The following HMSD variants were observed in gnomAD, a reference collection of about 807,000 sequenced individuals.
HMSD encodes histocompatibility minor serpin domain containing.
A neutral mutation model predicts 10.0 loss-of-function variants in HMSD; 13 were observed. The ratio of observed to expected loss-of-function variants is 1.31; its 90% CI spans 0.85 to 2.08. The LOEUF is 2.08. HMSD is among the 30% of genes most tolerant of loss of function. The pLI is 0.00. For missense variants in HMSD, 169 were observed against 166.3 expected (o/e 1.02, Z -0.09); for synonymous variants, 51 against 54.2 (o/e 0.94, Z 0.26).
At chr18:63,966,216 G>T (rs775237197), downstream of HMSD, among the ~76,000 whole-genome samples, 1 of 152,188 alleles carries the variant, frequency 6.6e-6, no homozygotes, top group Non-Finnish European at 1.5e-5. Context: ...GTTTTGGATT[G>T]TCCAGACATC....
chr18:63,963,307 C>A (rs578237244), downstream of HMSD, among the ~76,000 whole-genome samples: 1 of 151,490 alleles, frequency 6.6e-6, no homozygotes, highest in Admixed American at 6.6e-5. Context: ...CGCTCTGTCA[C>A]CCAGGCTGGA....
chr18:63,955,635 A>AG lies in HMSD; in HGVS notation c.222+1081dup, dbSNP rs577428424. Among the ~76,000 whole-genome samples the AG allele has an allele frequency of 3.2e-4, 49 of 152,246 alleles. No homozygotes were observed. The South Asian group carries it at 3.3e-3, about 10-fold the overall frequency. On this transcript the variant is annotated intron_variant, in intron 3 of 3. Coordinates refer to ENST00000408945, the MANE Select transcript of HMSD (RefSeq NM_001123366.2). ...AATGTTAACCTTTAAAACTTTTGGA[A>AG]GGGTGGGGCCAAGATGGCCGACTAA...
At chr18:63,963,174 C>G (rs1306315593), downstream of HMSD, among the ~76,000 whole-genome samples, 1 of 143,212 alleles carries the variant, frequency 7.0e-6, no homozygotes, top group Non-Finnish European at 1.5e-5. Flanking sequence ...CTCTCTCTCT[C>G]CCTTCCTTCC....
At chr18:63,958,152 C>T (rs760795620) in intron 3 of HMSD, among the ~76,000 whole-genome samples, 3 of 152,080 alleles carry the variant, frequency 2.0e-5, no homozygotes, top group East Asian at 1.9e-4. Context: ...TAGTGTACAT[C>T]GATCAGTTAC....
At chr18:63,953,641 C>A in intron 2 of HMSD, 114 bp downstream of exon 2, 1 of 832,254 alleles carries the variant, frequency 1.2e-6, no homozygotes, top group South Asian at 1.5e-5. Flanking sequence ...CTCTGGTAGT[C>A]TCACAGGATG....
Position 63,954,451 on chromosome 18 carries a change from A to G in HMSD, c.116A>G (p.His39Arg). 1.9e-6 allele frequency: 3 copies of G among 1,611,402 alleles called. No homozygotes were observed. The highest frequency in any genetic ancestry group is 2.7e-5 in the African/African-American group (2 of 73,268). The change falls in exon 3 of 4, where the codon CAT becomes CGT. Residue 39 changes from histidine (H) to arginine (R), a missense_variant. By Grantham distance (29) the His-to-Arg change is conservative (BLOSUM62 0). Transcript: ENST00000408945. The stretch of plus-strand genomic sequence containing the variant: ...ATCGGAGGTGAAGATGGAGATATTC[A>G]TCGAGGTTTTCAGTCACTTCTTGTT... ...SKIGGEDGDI[H>R]RGFQSLLVAI...
At chr18:63,953,667 C>T (rs1020666565) in intron 2 of HMSD, 140 bp downstream of exon 2, 1 of 719,180 alleles carries the variant, frequency 1.4e-6, no homozygotes, top group Non-Finnish European at 2.4e-6. Context: ...GGAGAATTGG[C>T]AGGATGGAGC....
chr18:63,962,263 A>G (rs928233687), downstream of HMSD, among the ~76,000 whole-genome samples: 1 of 152,220 alleles, frequency 6.6e-6, no homozygotes, highest in African/African-American at 2.4e-5. Flanking sequence ...ATGTCTGGTA[A>G]TGCCAAACAC....
downstream of HMSD, among the ~76,000 whole-genome samples, chr18:63,962,057 A>C (rs189438117): frequency 8.1e-4 from 123 of 152,354 alleles, no homozygotes; most frequent in Admixed American, 2.2e-3. Context: ...AGTGAGTTCC[A>C]TTTAGAATTG....
At chr18:63,960,016 A>T in intron 3 of HMSD, 142 bp from the exon 4 acceptor site, 1 of 857,520 alleles carries the variant, frequency 1.2e-6, no homozygotes. Flanking sequence ...TTTGGACTTT[A>T]GGTTAATTCC....
At chr18:63,953,590 T>A in intron 2 of HMSD, 63 bp downstream of exon 2, 1 of 1,336,206 alleles carries the variant, frequency 7.5e-7, no homozygotes. Flanking sequence ...GCTGGACTTC[T>A]GCATTTCAAG....
At chr18:63,966,177 A>G (rs575827737), downstream of HMSD, among the ~76,000 whole-genome samples, 17 of 152,334 alleles carry the variant, frequency 1.1e-4, no homozygotes, top group East Asian at 3.1e-3. Context: ...CGTGGAGACA[A>G]AAATCCACAC....
chr18:63,960,231 A>G lies in HMSD; in HGVS notation c.296A>G (p.Lys99Arg). Residue 99 changes from lysine (K) to arginine (R), a missense_variant, in exon 4 of 4, where the codon AAG (lysine) becomes AGG (arginine). By Grantham distance (26) the Lys-to-Arg change is conservative (BLOSUM62 2). Coordinates refer to ENST00000408945, the MANE Select transcript of HMSD (RefSeq NM_001123366.2). ...CTAGACTTTGTGAATGATACAGAGA[A>G]GTCCACAACACGTGTAAACTCCTGG... ...KQLDFVNDTE[K>R]STTRVNSWVA... 3.7e-6 allele frequency: 6 copies of G among 1,613,516 alleles called. No homozygotes were observed. Among genetic ancestry groups the G allele is most frequent in the Non-Finnish European group, 4.2e-6 (5 of 1,179,812 alleles).
intron 1 of HMSD, among the ~76,000 whole-genome samples, chr18:63,951,558 G>T (rs1306583849): frequency 2.6e-5 from 4 of 152,204 alleles, no homozygotes; most frequent in African/African-American, 9.7e-5. Context: ...TATTTGGTGG[G>T]AGGGGAATTT....
Position 63,953,472 on chromosome 18 carries a change from C to A in HMSD, c.17C>A (p.Ala6Asp). The A allele has an allele frequency of 6.2e-7, 1 of 1,613,914 alleles. No individual in the cohort carries two copies. ...TTTTTCCCCATGAGCATATCATCAG[C>A]CTTGGCCATGGTTTTCATGGGGGCA... MSISS[A>D]LAMVFMGAKG... Residue 6 changes from alanine (A) to aspartate (D), a missense_variant, in exon 2 of 4, where the codon GCC becomes GAC. Ala to Asp is a moderately radical substitution (Grantham distance 126). Coordinates refer to ENST00000408945, the MANE Select transcript of HMSD (RefSeq NM_001123366.2).
intron 1 of HMSD, among the ~76,000 whole-genome samples, chr18:63,952,153 G>T (rs530868080): frequency 5.1e-5 from 6 of 116,964 alleles, no homozygotes; most frequent in Admixed American, 9.7e-5. Flanking sequence ...GTGGGGGGAG[G>T]GGGGAGGGAT....
chr18:63,954,646 G>T, intron 3 of HMSD, 89 bp downstream of exon 3: 3 of 1,150,270 alleles, frequency 2.6e-6, no homozygotes, highest in Non-Finnish European at 2.5e-6. Context: ...CCTGCAGGTG[G>T]TCCTGAACTC....
chr18:63,963,099 T>TTC (rs1568261317), downstream of HMSD, among the ~76,000 whole-genome samples: 4 of 132,400 alleles, frequency 3.0e-5, no homozygotes, highest in Non-Finnish European at 6.3e-5. Context: ...CTTTCTTTCT[T>TTC]TCTTTCTTTC....
downstream of HMSD, among the ~76,000 whole-genome samples, chr18:63,963,071 C>CTT (rs1460858147): frequency 0.013 from 1,386 of 104,678 alleles, 51 homozygotes; most frequent in African/African-American, 0.055. Flanking sequence ...TCTTTTCTTT[C>CTT]TCTTTCTTTC....
Sources: gnomAD v4.1 joint callset for allele counts (sites outside exome capture counted in the v4.1 genomes callset) on GRCh38, gnomAD v4.1.1 for gene constraint, MANE v1.5 for transcripts, NCBI Gene and HGNC (gene_info 2026-07-23, HGNC 2026-07-21) for gene names.